LRRTM4: variants seen among roughly 807,000 people sequenced by gnomAD.
The protein encoded by LRRTM4 is leucine-rich repeat transmembrane neuronal protein 4.
LRRTM4 carries 25 observed loss-of-function variants against 47.6 expected under a neutral mutation model. That is an observed-to-expected ratio of 0.53 (90% CI 0.38 to 0.73). The LOEUF is 0.73. Among genes scored for constraint, LRRTM4 ranks in the 30% least tolerant of loss-of-function variants. The pLI is 0.00. For synonymous variants in LRRTM4, 311 were observed against 269.5 expected (o/e 1.15, Z -1.51); for missense variants, 638 against 713.4 (o/e 0.89, Z 1.20).
At chr2:76,908,398 C>A (rs1410786224) in intron 3 of LRRTM4, among the ~76,000 whole-genome samples, 2 of 151,644 alleles carry the variant, frequency 1.3e-5, no homozygotes, top group African/African-American at 4.9e-5. Flanking sequence ...ACTGAATGGG[C>A]AAAAACTGGA....
At chr2:77,339,176 A>G (rs1671277238) in intron 3 of LRRTM4, among the ~76,000 whole-genome samples, 1 of 152,000 alleles carries the variant, frequency 6.6e-6, no homozygotes, top group African/African-American at 2.4e-5. Flanking sequence ...GATGGGATCA[A>G]CAGAAGCCCA....
intron 3 of LRRTM4, among the ~76,000 whole-genome samples, chr2:77,091,821 T>A (rs1670651499): frequency 6.7e-6 from 1 of 149,692 alleles, no homozygotes; most frequent in African/African-American, 2.5e-5. Flanking sequence ...ATAATTCTCA[T>A]AAAAACACAC....
At chr2:76,977,147 A>G (rs1237253631) in intron 3 of LRRTM4, among the ~76,000 whole-genome samples, 1 of 151,472 alleles carries the variant, frequency 6.6e-6, no homozygotes, top group African/African-American at 2.4e-5. Flanking sequence ...CTGCTTGAAT[A>G]TTAATAAATC....
At chr2:77,058,718 G>T (rs1029622398) in intron 3 of LRRTM4, among the ~76,000 whole-genome samples, 2 of 152,004 alleles carry the variant, frequency 1.3e-5, no homozygotes, top group Admixed American at 1.3e-4. Flanking sequence ...ACTACAAAGA[G>T]AATTAGTATA....
intron 3 of LRRTM4, among the ~76,000 whole-genome samples, chr2:77,160,673 A>G (rs956422897): frequency 6.6e-6 from 1 of 152,110 alleles, no homozygotes; most frequent in African/African-American, 2.4e-5. Flanking sequence ...AGGCTTAAAA[A>G]TAAGAGTAGT....
intron 3 of LRRTM4, among the ~76,000 whole-genome samples, chr2:77,490,497 G>C (rs571555092): frequency 3.3e-5 from 5 of 152,190 alleles, no homozygotes; most frequent in Non-Finnish European, 7.4e-5. Context: ...ACAGTGAGAA[G>C]AAGAGCAGTA....
intron 3 of LRRTM4, among the ~76,000 whole-genome samples, chr2:77,247,183 A>C (rs1259483124): frequency 7.9e-5 from 12 of 152,094 alleles, no homozygotes; most frequent in Admixed American, 7.9e-4. Flanking sequence ...TTAGTACTAT[A>C]GTAAACACTT....
intron 3 of LRRTM4, among the ~76,000 whole-genome samples, chr2:77,336,548 G>T (rs995359060): frequency 6.6e-6 from 1 of 152,088 alleles, no homozygotes; most frequent in Non-Finnish European, 1.5e-5. Flanking sequence ...TTCCTGAAAT[G>T]CAAGGATGGT....
chr2:77,245,220 G>A (rs1443578774), intron 3 of LRRTM4, among the ~76,000 whole-genome samples: 1 of 151,772 alleles, frequency 6.6e-6, no homozygotes, highest in African/African-American at 2.4e-5. Flanking sequence ...TACTTTAAAT[G>A]TACAACTCAG....
At chr2:77,005,573 C>T (rs1219081911) in intron 3 of LRRTM4, among the ~76,000 whole-genome samples, 1 of 152,118 alleles carries the variant, frequency 6.6e-6, no homozygotes, top group Admixed American at 6.6e-5. Context: ...GGAAGGGACC[C>T]AGTGGGAGGT....
intron 3 of LRRTM4, among the ~76,000 whole-genome samples, chr2:77,052,522 GGGCC>G (rs1679470855): frequency 6.6e-6 from 1 of 151,792 alleles, no homozygotes; most frequent in African/African-American, 2.4e-5. Context: ...TGACCATTAA[GGGCC>G]ATGTTACTCA....
At chr2:76,859,992 C>A (rs1672264319) in intron 3 of LRRTM4, among the ~76,000 whole-genome samples, 1 of 152,222 alleles carries the variant, frequency 6.6e-6, no homozygotes, top group African/African-American at 2.4e-5. Context: ...AGTACCATTT[C>A]TTTTCATTAT....
chr2:76,877,244 T>C (rs1158209836), intron 3 of LRRTM4, among the ~76,000 whole-genome samples: 8 of 152,120 alleles, frequency 5.3e-5, no homozygotes, highest in African/African-American at 9.7e-5. Flanking sequence ...AAAAAGTTGG[T>C]TGAAAATGTT....
chr2:77,251,270 C>CAT (rs1186512078), intron 3 of LRRTM4, among the ~76,000 whole-genome samples: 1 of 145,340 alleles, frequency 6.9e-6, no homozygotes, highest in South Asian at 2.2e-4. Flanking sequence ...TACACACACA[C>CAT]ATATATATAT....
intron 3 of LRRTM4, among the ~76,000 whole-genome samples, chr2:77,477,410 C>G (rs1291143657): frequency 6.6e-6 from 1 of 152,050 alleles, no homozygotes; most frequent in African/African-American, 2.4e-5. Context: ...AGATTTGAAG[C>G]TTTATTTTAA....
At chr2:77,392,117 A>G (rs1673527803) in intron 3 of LRRTM4, among the ~76,000 whole-genome samples, 1 of 152,034 alleles carries the variant, frequency 6.6e-6, no homozygotes, top group South Asian at 2.1e-4. Context: ...ATTCTCTCTG[A>G]AGCTTGTTAC....
chr2:77,320,030 T>A (rs1677742290), intron 3 of LRRTM4, among the ~76,000 whole-genome samples: 2 of 152,294 alleles, frequency 1.3e-5, no homozygotes, highest in East Asian at 3.9e-4. Context: ...GTTGTTTTTT[T>A]TAGGGGAAAC....
Position 76,984,967 on chromosome 2 carries a change from T to C in LRRTM4, c.1552-236051A>G, listed in dbSNP as rs527246675. On this transcript the variant is annotated intron_variant, in intron 3 of 3. Transcript: ENST00000409884. Reference sequence around the variant, plus strand: ...GCAAAATAATTATTTTTTCTGAAATTTGGGGAAAATCAGAGGATAGAAGTT... The same window carrying C: ...GCAAAATAATTATTTTTTCTGAAATCTGGGGAAAATCAGAGGATAGAAGTT... Among the ~76,000 whole-genome samples the C allele has an allele frequency of 2.6e-5, 4 of 152,118 alleles. No individual in the cohort carries two copies. In the South Asian group the frequency reaches 8.3e-4, roughly 32 times the overall value.
chr2:77,353,010 T>C (rs544888814), intron 3 of LRRTM4, among the ~76,000 whole-genome samples: 1 of 152,276 alleles, frequency 6.6e-6, no homozygotes, highest in Admixed American at 6.5e-5. Context: ...AAATTAAGCA[T>C]TATAAAATGC....
Sources: gnomAD v4.1 joint callset for allele counts (sites outside exome capture counted in the v4.1 genomes callset) on GRCh38, gnomAD v4.1.1 for gene constraint, MANE v1.5 for transcripts, NCBI Gene and HGNC (gene_info 2026-07-23, HGNC 2026-07-21) for gene names.